The following POU6F2 variants were observed in gnomAD, a reference collection of about 807,000 sequenced individuals.
The protein encoded by POU6F2 is POU domain, class 6, transcription factor 2.
In POU6F2, 31 loss-of-function variants were observed where a neutral mutation model predicts 71.3. That is an observed-to-expected ratio of 0.43 (90% CI 0.33 to 0.59). The LOEUF is 0.59. POU6F2 is among the 20% of genes least tolerant of loss of function. The probability of loss-of-function intolerance (pLI) is 0.04; values close to 1 mark genes in which losing one functional copy is unlikely to be tolerated. For missense variants in POU6F2, 783 were observed against 856.8 expected, an observed-to-expected ratio of 0.91 and a Z score of 1.07; for synonymous variants, 347 against 355.7, an observed-to-expected ratio of 0.98 and a Z score of 0.27.
intron 1 of POU6F2, among the ~76,000 whole-genome samples, chr7:39,037,144 G>GCTTCTTCCTACAAAATCA (rs1271161621): frequency 2.0e-5 from 3 of 151,986 alleles, no homozygotes; most frequent in African/African-American, 7.2e-5. Context: ...CCAGTGAGAT[G>GCTTCTTCCTACAAAATCA]CTTCTTCCTA....
Position 39,433,197 on chromosome 7 carries a change from A to G in POU6F2, c.1234A>G (p.Ile412Val). ...PQLLTNAQGQ[I>V]IATVIGNQIL... ...GCTCCTCACAAACGCCCAGGGCCAGATCATCGCCACAGTCATTGGGAACCA... is the reference window on the plus strand; with the variant it reads ...GCTCCTCACAAACGCCCAGGGCCAGGTCATCGCCACAGTCATTGGGAACCA... Residue 412 changes from isoleucine to valine, a missense_variant, in exon 7 of 10, where the codon ATC becomes GTC. By Grantham distance (29) the Ile-to-Val change is conservative. Around this residue, in one of 2 missense-constraint regions of POU6F2, gnomAD observed 572 missense variants for 572.9 expected, o/e 1.00. Coordinates refer to ENST00000518318, the MANE Select transcript of POU6F2 (RefSeq NM_001370959.1). 6.2e-7 allele frequency: 1 copy of G among 1,613,830 alleles called. No homozygotes were observed.
Position 39,460,569 on chromosome 7 carries a change from G to C in POU6F2, c.1512G>C (p.Glu504Asp). The change falls in exon 9 of 10, where the codon GAG becomes GAC. Residue 504 changes from glutamate (E) to aspartate (D), a missense_variant. Physicochemically the swap from Glu to Asp is conservative, Grantham distance 45. Coordinates refer to ENST00000518318, the MANE Select transcript of POU6F2 (RefSeq NM_001370959.1). The surrounding 1 kb of genome is among the most constrained non-coding windows in gnomAD (Gnocchi z 4.4). ...LVSNPQTAAG[E>D]VDGVNLEEIR... ...CAGATCCTCAAACGGCAGCGGGTGAGGTGGATGGGGTTAATCTGGAGGAGA... is the reference window on the plus strand; with the variant it reads ...CAGATCCTCAAACGGCAGCGGGTGACGTGGATGGGGTTAATCTGGAGGAGA... 6.2e-7 allele frequency: 1 copy of C among 1,613,700 alleles called. No homozygotes were observed. The highest frequency in any genetic ancestry group is 8.5e-7 in the Non-Finnish European group (1 of 1,179,790).
At chr7:39,172,544 C>T (rs1793238853) in intron 2 of POU6F2, among the ~76,000 whole-genome samples, 1 of 146,480 alleles carries the variant, frequency 6.8e-6, no homozygotes, top group African/African-American at 2.5e-5. Flanking sequence ...ACTACCCACC[C>T]CACCCCCACC....
In POU6F2 at chr7:39,245,031, C is replaced by G. The variant is rs1351128156; in HGVS notation, c.598+37411C>G. 3.9e-5 allele frequency among the ~76,000 whole-genome samples: 6 copies of G among 152,300 alleles called. No individual in the cohort carries two copies. The East Asian group carries it at 1.2e-3, about 29-fold the overall frequency. On this transcript the variant is annotated intron_variant, in intron 4 of 9. Transcript: ENST00000518318. ...AAGCTATCCTGGAGATGTCCAAAGT[C>G]TATAACCTTATAGGTATTTCACAGA...
At chr7:39,016,756 G>A (rs1240337649) in intron 1 of POU6F2, among the ~76,000 whole-genome samples, 6 of 152,200 alleles carry the variant, frequency 3.9e-5, no homozygotes, top group Non-Finnish European at 7.3e-5. Flanking sequence ...CTGGAGTTGT[G>A]TAGGTCAAGA....
intron 8 of POU6F2, among the ~76,000 whole-genome samples, chr7:39,453,199 A>G (rs1421365245): frequency 1.3e-5 from 2 of 152,188 alleles, no homozygotes; most frequent in Non-Finnish European, 2.9e-5. Flanking sequence ...TTTTCCATCA[A>G]CTGTATTTTA....
chr7:39,017,955 A>G (rs1475208012), intron 1 of POU6F2, among the ~76,000 whole-genome samples: 1 of 151,898 alleles, frequency 6.6e-6, no homozygotes, highest in Non-Finnish European at 1.5e-5. Flanking sequence ...TTTTCCTATT[A>G]GTTATACCTC....
rs553436420 is a variant in POU6F2 at position 39,208,178 on chromosome 7, A to G, written c.598+558A>G. On this transcript the variant is annotated intron_variant, in intron 4 of 9. Coordinates refer to ENST00000518318, the MANE Select transcript of POU6F2 (RefSeq NM_001370959.1). ...ATAGACTTGTATGTTGAGCCTTTAT[A>G]CTACAGGGACATATAACAAGTCAGA... 3.3e-5 allele frequency among the ~76,000 whole-genome samples: 5 copies of G among 152,352 alleles called. No individual in the cohort carries two copies. The South Asian group carries it at 1.0e-3, about 32-fold the overall frequency.
intron 1 of POU6F2, among the ~76,000 whole-genome samples, chr7:39,017,810 A>T (rs1258044703): frequency 2.0e-5 from 1 of 49,994 alleles, no homozygotes; most frequent in Non-Finnish European, 4.1e-5. Flanking sequence ...CAGATTGTGC[A>T]TGCGTGTGTG....
intron 4 of POU6F2, among the ~76,000 whole-genome samples, chr7:39,333,697 C>T (rs1165326114): frequency 6.6e-6 from 1 of 152,176 alleles, no homozygotes; most frequent in African/African-American, 2.4e-5. Flanking sequence ...AAGATTGTGC[C>T]ACTGCACTCC....
chr7:39,406,540 TCCGTGTGCTGTG>T, intron 5 of POU6F2, 48 bp from the exon 6 acceptor site: 1 of 1,580,368 alleles, frequency 6.3e-7, no homozygotes, highest in East Asian at 2.2e-5. Context: ...CAATGTTGTG[TCCGTGTGCTGTG>T]CCTGTGCCTC....
chr7:39,262,571 G>C (rs944536664), intron 4 of POU6F2, among the ~76,000 whole-genome samples: 4 of 152,106 alleles, frequency 2.6e-5, no homozygotes, highest in African/African-American at 9.7e-5. Flanking sequence ...TAAATGACTA[G>C]GGTTTTTTAA....
At chr7:39,305,078 CAT>C (rs1483203802) in intron 4 of POU6F2, among the ~76,000 whole-genome samples, 2 of 152,218 alleles carry the variant, frequency 1.3e-5, no homozygotes, top group African/African-American at 4.8e-5. Context: ...CACAAGTTAA[CAT>C]GTGTGATGCT....
At chr7:38,998,114 T>C (rs1167062316) in intron 1 of POU6F2, among the ~76,000 whole-genome samples, 1 of 152,250 alleles carries the variant, frequency 6.6e-6, no homozygotes, top group Non-Finnish European at 1.5e-5. Context: ...CCGAAGAATT[T>C]TTAAATGATC....
intron 2 of POU6F2, among the ~76,000 whole-genome samples, chr7:39,130,197 T>G (rs908764363): frequency 6.6e-6 from 1 of 151,868 alleles, no homozygotes; most frequent in African/African-American, 2.4e-5. Context: ...TGTCTTTTCC[T>G]TTCTATAGGA....
chr7:39,076,587 C>T (rs1791008546), intron 1 of POU6F2, among the ~76,000 whole-genome samples: 2 of 152,102 alleles, frequency 1.3e-5, no homozygotes. Context: ...TGATTGTTAT[C>T]GCATCTGTGA....
chr7:39,368,251 G>A (rs572794424), intron 5 of POU6F2, among the ~76,000 whole-genome samples: 16 of 152,312 alleles, frequency 1.1e-4, no homozygotes, highest in African/African-American at 3.8e-4. Context: ...GAAATTAAAA[G>A]TAAAGTGAAG....
intron 4 of POU6F2, among the ~76,000 whole-genome samples, chr7:39,338,295 A>G (rs1448719307): frequency 6.6e-6 from 1 of 152,190 alleles, no homozygotes; most frequent in Non-Finnish European, 1.5e-5. Context: ...ACTAGAAGAA[A>G]GGGGGAAATG....
chr7:39,005,818 C>T (rs1789049269), intron 1 of POU6F2, among the ~76,000 whole-genome samples: 1 of 152,048 alleles, frequency 6.6e-6, no homozygotes, highest in African/African-American at 2.4e-5. Flanking sequence ...TCTAACAGAT[C>T]TCTGCAAGTT....
Sources: gnomAD v4.1 joint callset for allele counts (sites outside exome capture counted in the v4.1 genomes callset) on GRCh38, gnomAD v4.1.1 for gene constraint, gnomAD v4.1.1 regional missense constraint, Gnocchi (gnomAD v3.1) non-coding constraint, MANE v1.5 for transcripts, NCBI Gene and HGNC (gene_info 2026-07-23, HGNC 2026-07-21) for gene names.